OTUD7B: variants seen among roughly 807,000 people sequenced by gnomAD.
The protein encoded by OTUD7B is OTU domain-containing protein 7B.
Under a neutral mutation model 82.2 loss-of-function variants are expected in OTUD7B, and 34 were observed. The observed-to-expected ratio is 0.41, with a 90% CI of 0.31 to 0.55. The LOEUF (loss-of-function observed/expected upper bound fraction) is 0.55. Among genes scored for constraint, OTUD7B ranks in the 20% least tolerant of loss-of-function variants. The pLI, the probability that OTUD7B is intolerant of heterozygous loss-of-function variation, is 0.20. For missense variants in OTUD7B, 944 were observed against 1,062.1 expected (o/e 0.89, Z 1.55); for synonymous variants, 398 against 402.7 (o/e 0.99, Z 0.14).
upstream of OTUD7B, among the ~76,000 whole-genome samples, chr1:150,012,769 T>A (rs1200252027): frequency 5.3e-5 from 8 of 152,236 alleles, no homozygotes; most frequent in Non-Finnish European, 1.2e-4. Flanking sequence ...ACAGTTGCTT[T>A]GTGCCTATTT....
the OTUD7B span, among the ~76,000 whole-genome samples, chr1:150,022,429 A>AATCC: frequency 1.6e-3 from 4 of 2,530 alleles, no homozygotes; most frequent in African/African-American, 6.3e-3. Context: ...AAAAATAACT[A>AATCC]CATGCTGAAG....
At chr1:150,054,615 A>T in the OTUD7B span, 1 of 366,936 alleles carries the variant, frequency 2.7e-6, no homozygotes, top group Non-Finnish European at 5.3e-6. Flanking sequence ...CAAGACCAGC[A>T]CGGCCAACAT....
the OTUD7B span, among the ~76,000 whole-genome samples, chr1:150,037,821 T>C: frequency 1.3e-5 from 2 of 152,074 alleles, no homozygotes; most frequent in Non-Finnish European, 2.9e-5. Context: ...AAATATTTAT[T>C]TTATATCTCT....
intron 1 of OTUD7B, among the ~76,000 whole-genome samples, chr1:149,981,014 CAAAAAAAAAAAAAA>C (rs1156427665): frequency 3.5e-5 from 2 of 57,720 alleles, no homozygotes; most frequent in African/African-American, 6.7e-5. Context: ...GACCCTGTTT[CAAAAAAAAAAAAAA>C]AAAAAAAAAA....
chr1:150,018,538 C>G, the OTUD7B span, among the ~76,000 whole-genome samples: 1 of 151,996 alleles, frequency 6.6e-6, no homozygotes, highest in Non-Finnish European at 1.5e-5. Flanking sequence ...TCTATATGAG[C>G]AAAAAATACT....
At chr1:150,039,483 T>C in the OTUD7B span, among the ~76,000 whole-genome samples, 1 of 152,094 alleles carries the variant, frequency 6.6e-6, no homozygotes, top group Non-Finnish European at 1.5e-5. Flanking sequence ...GTTCAAGCCA[T>C]TCTCCTGCCT....
At chr1:149,956,014 T>C (rs1648639917) in intron 7 of OTUD7B, among the ~76,000 whole-genome samples, 1 of 152,360 alleles carries the variant, frequency 6.6e-6, no homozygotes. Flanking sequence ...TCTTTTTAAT[T>C]GGAGCATTTA....
At chr1:150,048,886 T>G in the OTUD7B span, among the ~76,000 whole-genome samples, 24,652 of 152,020 alleles carry the variant, frequency 0.16, 2,206 homozygotes, top group African/African-American at 0.21. Flanking sequence ...AGGCTGGAGT[T>G]CAGTGGCATG....
At chr1:150,045,848 CTTTATA>C in the OTUD7B span, among the ~76,000 whole-genome samples, 1 of 152,162 alleles carries the variant, frequency 6.6e-6, no homozygotes, top group East Asian at 1.9e-4. Context: ...AACAAAAAGC[CTTTATA>C]TTTATCTTAC....
chr1:149,967,252 G>A (rs782438168), intron 4 of OTUD7B, 42 bp downstream of exon 4: 35 of 1,403,598 alleles, frequency 2.5e-5, no homozygotes, highest in Non-Finnish European at 3.3e-5. Flanking sequence ...CCTGTAGGTG[G>A]AGAGTAGAGG....
chr1:150,054,334 G>A, the OTUD7B span: 1 of 516,688 alleles, frequency 1.9e-6, no homozygotes, highest in Admixed American at 2.0e-5. Context: ...AAAGCCACAG[G>A]GGCAAGAGGG....
intron 1 of OTUD7B, among the ~76,000 whole-genome samples, chr1:149,980,192 A>C (rs1188170847): frequency 6.6e-6 from 1 of 150,840 alleles, no homozygotes; most frequent in Non-Finnish European, 1.5e-5. Context: ...ACATTTTAAC[A>C]AAGTAATTTA....
At position 150,000,160 on chromosome 1, in the gene OTUD7B, AAAAAC is replaced by A. The variant is rs201499838; in HGVS notation, c.-67+10283_-67+10287del. Among the ~76,000 whole-genome samples, 1,399 of 152,268 alleles carry A rather than the reference AAAAAC, an allele frequency of 9.2e-3. 20 individuals are homozygous for A. Among genetic ancestry groups the A allele is most frequent in the African/African-American group, 0.032 (1,332 of 41,542 alleles). Reference sequence around the variant, plus strand: ...TGGGACTTTAAGAATGGGTAAGTTTAAAAACAAAACAAAACAAAACAGGGCAAGTG... The same window carrying A: ...TGGGACTTTAAGAATGGGTAAGTTTAAAAACAAAACAAAACAGGGCAAGTG... On this transcript the variant is annotated intron_variant, in intron 1 of 11. Transcript: ENST00000581312.
intron 6 of OTUD7B, 23 bp downstream of exon 6, chr1:149,964,199 C>T (rs587689689): frequency 1.6e-5 from 26 of 1,607,006 alleles, no homozygotes; most frequent in African/African-American, 5.3e-5. Context: ...GGAAACAAGG[C>T]GCTCCCACCC....
At chr1:149,961,071 A>G (rs1649126534) in intron 6 of OTUD7B, 1 of 150,142 alleles carries the variant, frequency 6.7e-6, no homozygotes, top group South Asian at 2.1e-4. Flanking sequence ...TGCTGCATAC[A>G]AAGCCTACTT....
At chr1:150,064,736 G>C in the OTUD7B span, among the ~76,000 whole-genome samples, 1 of 152,048 alleles carries the variant, frequency 6.6e-6, no homozygotes, top group South Asian at 2.1e-4. Context: ...ATTAACTTCA[G>C]TTTCATTGAA....
intron 1 of OTUD7B, among the ~76,000 whole-genome samples, chr1:149,984,289 T>A (rs1222807115): frequency 6.6e-6 from 1 of 152,078 alleles, no homozygotes; most frequent in African/African-American, 2.4e-5. Context: ...TTAGGTTTCC[T>A]CCCCTGCTCC....
chr1:150,061,045 A>C, the OTUD7B span, among the ~76,000 whole-genome samples: 2 of 3,692 alleles, frequency 5.4e-4, no homozygotes, highest in Non-Finnish European at 9.9e-4. Context: ...AAAAACAAAA[A>C]ACAAAAAAAA....
chr1:149,958,429 G>A (rs1330289076), intron 7 of OTUD7B, among the ~76,000 whole-genome samples: 1 of 134,598 alleles, frequency 7.4e-6, no homozygotes, highest in Non-Finnish European at 1.5e-5. Context: ...CTGGGTTCAA[G>A]CAATTCTCCT....
Sources: gnomAD v4.1 joint callset for allele counts (sites outside exome capture counted in the v4.1 genomes callset) on GRCh38, gnomAD v4.1.1 for gene constraint, MANE v1.5 for transcripts, NCBI Gene and HGNC (gene_info 2026-07-23, HGNC 2026-07-21) for gene names.